The following FNDC3A variants were observed in gnomAD, a reference collection of about 807,000 sequenced individuals.
FNDC3A encodes fibronectin type-III domain-containing protein 3A.
Under a neutral mutation model 148.9 loss-of-function variants are expected in FNDC3A, and 32 were observed. That is an observed-to-expected ratio of 0.21 (90% CI 0.16 to 0.29). FNDC3A has a LOEUF of 0.29. Ranked by LOEUF, FNDC3A falls within the 10% of genes least tolerant of loss-of-function variation. The pLI is 1.00. For missense variants in FNDC3A, 1,191 were observed against 1,452.8 expected, an observed-to-expected ratio of 0.82 and a Z score of 2.93; for synonymous variants, 472 against 473.6, an observed-to-expected ratio of 1.00 and a Z score of 0.04.
chr13:49,073,679 ATATATAAAATATATATG>A (rs1203122362), intron 2 of FNDC3A, among the ~76,000 whole-genome samples: 1 of 147,262 alleles, frequency 6.8e-6, no homozygotes, highest in Non-Finnish European at 1.5e-5. Flanking sequence ...ATATACACAC[ATATATAAAATATATATG>A]TATATATAAT....
intron 3 of FNDC3A, among the ~76,000 whole-genome samples, chr13:49,105,389 A>ATAG (rs900053321): frequency 1.4e-4 from 22 of 152,316 alleles, no homozygotes; most frequent in African/African-American, 5.1e-4. Flanking sequence ...AGACATAGAG[A>ATAG]TAGCAGCAGT....
chr13:49,111,228 C>T (rs1353213619), intron 3 of FNDC3A, among the ~76,000 whole-genome samples: 1 of 152,178 alleles, frequency 6.6e-6, no homozygotes, highest in East Asian at 1.9e-4. Context: ...CAAACATTTA[C>T]ATCATTAAAT....
chr13:49,145,870 G>A lies in FNDC3A; in HGVS notation c.912G>A (p.Glu304=), dbSNP rs370952260. The change falls in exon 8 of 26, where the codon GAG becomes GAA. Residue 304 remains glutamate, a synonymous_variant. Coordinates refer to ENST00000492622, the MANE Select transcript of FNDC3A (RefSeq NM_001079673.2). ...NGETDESSVP[E]LYGYEVLISS... ...AAACAGATGAAAGTAGTGTACCAGA[G>A]CTCTATGGTTATGAAGTTCTGATCT... 3.1e-6 allele frequency: 5 copies of A among 1,613,080 alleles called. No homozygotes were observed. In the South Asian group the frequency reaches 3.3e-5, roughly 11 times the overall value.
At chr13:49,078,252 C>T (rs1406019019) in intron 3 of FNDC3A, among the ~76,000 whole-genome samples, 2 of 152,176 alleles carry the variant, frequency 1.3e-5, no homozygotes, top group Non-Finnish European at 2.9e-5. Flanking sequence ...GTAAACCCCA[C>T]CTCCATAAAT....
At chr13:49,012,177 G>A (rs780861389) in intron 2 of FNDC3A, among the ~76,000 whole-genome samples, 3 of 151,770 alleles carry the variant, frequency 2.0e-5, no homozygotes, top group African/African-American at 7.3e-5. Flanking sequence ...GTGCAGTGGC[G>A]CGATCTCGGC....
intron 19 of FNDC3A, among the ~76,000 whole-genome samples, 174 bp downstream of exon 19, chr13:49,191,558 T>C (rs1345596901): frequency 6.6e-6 from 1 of 152,248 alleles, no homozygotes; most frequent in Non-Finnish European, 1.5e-5. Flanking sequence ...ATTCCATAAC[T>C]TAATTTTTAT....
intron 2 of FNDC3A, among the ~76,000 whole-genome samples, chr13:49,054,592 G>C (rs1876090978): frequency 6.6e-6 from 1 of 152,242 alleles, no homozygotes; most frequent in African/African-American, 2.4e-5. Flanking sequence ...CTCATCTCCA[G>C]ATGGGATGGG....
chr13:49,208,578 T>C lies in FNDC3A; in HGVS notation c.*1183T>C, dbSNP rs1443352905. 4 of 152,690 alleles carry C rather than the reference T, an allele frequency of 2.6e-5. No individual in the cohort carries two copies. Among genetic ancestry groups the C allele is most frequent in the Non-Finnish European group, 2.9e-5 (2 of 68,044 alleles). The allele number at this position is 152,690 out of a possible 1,614,324, so 9.5% of individuals were successfully genotyped here. On this transcript the variant is annotated 3_prime_UTR_variant, in exon 26 of 26. Coordinates refer to ENST00000492622, the MANE Select transcript of FNDC3A (RefSeq NM_001079673.2). Reference sequence around the variant, plus strand: ...TGCATTAGAGCACTTTGCAATTGCATAATTCATTAATGTTTTGTGAGCTTG... The same window carrying C: ...TGCATTAGAGCACTTTGCAATTGCACAATTCATTAATGTTTTGTGAGCTTG...
At chr13:49,181,690 C>G (rs1237119270) in intron 14 of FNDC3A, among the ~76,000 whole-genome samples, 1 of 151,880 alleles carries the variant, frequency 6.6e-6, no homozygotes, top group Non-Finnish European at 1.5e-5. Flanking sequence ...TTCTTTCAAA[C>G]AGTCGTATCA....
At chr13:49,071,584 A>G (rs1877695487) in intron 2 of FNDC3A, among the ~76,000 whole-genome samples, 2 of 152,152 alleles carry the variant, frequency 1.3e-5, no homozygotes, top group African/African-American at 4.8e-5. Flanking sequence ...CTGGGTTAAG[A>G]TAATATCTCA....
chr13:49,049,827 C>T (rs142307753), intron 2 of FNDC3A, among the ~76,000 whole-genome samples: 1 of 152,116 alleles, frequency 6.6e-6, no homozygotes, highest in African/African-American at 2.4e-5. Flanking sequence ...TCAAGCGATT[C>T]ATCTGCCTTG....
At position 49,196,728 on chromosome 13, in the gene FNDC3A, T is replaced by TA. The variant is rs1352620825; in HGVS notation, c.2227-147dup. On this transcript the variant is annotated intron_variant, in intron 19 of 25. Transcript: ENST00000492622. ...TTCATGATTTTTAAGTCTTTTTAGTTAATGTGAATACTTATAGAATTATGA... is the reference window on the plus strand; with the variant it reads ...TTCATGATTTTTAAGTCTTTTTAGTTAAATGTGAATACTTATAGAATTATGA... The TA allele has an allele frequency of 1.4e-4, 66 of 463,374 alleles. No individual in the cohort carries two copies. The Middle Eastern group carries it at 2.0e-3, about 14-fold the overall frequency. 28.7% of individuals were successfully genotyped at this position (463,374 alleles called of 1,614,324 possible).
chr13:49,063,319 A>G (rs1448147875), intron 2 of FNDC3A, among the ~76,000 whole-genome samples: 1 of 152,230 alleles, frequency 6.6e-6, no homozygotes, highest in Non-Finnish European at 1.5e-5. Flanking sequence ...AAGGAAAGAA[A>G]CTCTAAATAT....
chr13:49,077,191 T>G (rs1240097535), intron 3 of FNDC3A, among the ~76,000 whole-genome samples: 4 of 152,216 alleles, frequency 2.6e-5, no homozygotes, highest in Non-Finnish European at 5.9e-5. Context: ...GAAGATTGCT[T>G]GAGCCCAAAA....
chr13:49,064,794 A>G (rs894387765), intron 2 of FNDC3A, among the ~76,000 whole-genome samples: 6 of 152,170 alleles, frequency 3.9e-5, no homozygotes, highest in African/African-American at 1.4e-4. Flanking sequence ...GCTGATTCCA[A>G]CTGACTAGAT....
intron 17 of FNDC3A, among the ~76,000 whole-genome samples, chr13:49,189,424 A>G (rs1274212135): frequency 6.6e-6 from 1 of 151,570 alleles, no homozygotes; most frequent in South Asian, 2.1e-4. Context: ...TTCGTGATCC[A>G]CCGGCCTCAG....
At chr13:49,140,541 A>G (rs1432705691) in intron 7 of FNDC3A, among the ~76,000 whole-genome samples, 1 of 152,042 alleles carries the variant, frequency 6.6e-6, no homozygotes, top group East Asian at 1.9e-4. Context: ...ATTAATTGTG[A>G]GCTACAAAGT....
At chr13:49,016,045 G>T (rs1246886126) in intron 2 of FNDC3A, among the ~76,000 whole-genome samples, 2 of 152,208 alleles carry the variant, frequency 1.3e-5, no homozygotes, top group Non-Finnish European at 2.9e-5. Context: ...GTTCATCAAG[G>T]ACATTGGTCT....
At chr13:49,139,384 G>C (rs1333142798) in intron 7 of FNDC3A, among the ~76,000 whole-genome samples, 1 of 151,894 alleles carries the variant, frequency 6.6e-6, no homozygotes, top group Non-Finnish European at 1.5e-5. Flanking sequence ...AATATTTTTT[G>C]GTTCATAAAA....
Sources: gnomAD v4.1 joint callset for allele counts (sites outside exome capture counted in the v4.1 genomes callset) on GRCh38, gnomAD v4.1.1 for gene constraint, MANE v1.5 for transcripts, NCBI Gene and HGNC (gene_info 2026-07-23, HGNC 2026-07-21) for gene names.